NMT2: variants seen among roughly 807,000 people sequenced by gnomAD.
NMT2 encodes glycylpeptide N-tetradecanoyltransferase 2.
A neutral mutation model predicts 65.4 loss-of-function variants in NMT2; 35 were observed. The ratio of observed to expected loss-of-function variants is 0.54; its 90% CI spans 0.41 to 0.71. The LOEUF is 0.71. Ranked by LOEUF, NMT2 falls within the 30% of genes least tolerant of loss-of-function variation. NMT2 has a pLI of 0.00. For synonymous variants in NMT2, 226 were observed against 231.8 expected, an observed-to-expected ratio of 0.98 and a Z score of 0.23; for missense variants, 489 against 611.3, an observed-to-expected ratio of 0.80 and a Z score of 2.11.
chr10:15,113,331 G>A (rs982679912), intron 9 of NMT2, among the ~76,000 whole-genome samples: 5 of 151,832 alleles, frequency 3.3e-5, no homozygotes, highest in African/African-American at 1.2e-4. Flanking sequence ...TTAGCCAGGT[G>A]TGGTGGCGCA....
chr10:15,135,230 A>G (rs753682694), intron 3 of NMT2, 44 bp downstream of exon 3: 12 of 1,584,676 alleles, frequency 7.6e-6, no homozygotes, highest in Middle Eastern at 3.3e-4. Flanking sequence ...TTGTTCATCC[A>G]GCTTTGTTTG....
chr10:15,148,528 T>C (rs1847039169), intron 1 of NMT2, among the ~76,000 whole-genome samples: 1 of 152,012 alleles, frequency 6.6e-6, no homozygotes, highest in African/African-American at 2.4e-5. Context: ...ATAAATAGTA[T>C]TAGAAAAAAT....
At chr10:15,147,434 A>G (rs766244631) in intron 1 of NMT2, among the ~76,000 whole-genome samples, 10 of 152,296 alleles carry the variant, frequency 6.6e-5, no homozygotes, top group Middle Eastern at 6.8e-3. Flanking sequence ...TTAAACTACA[A>G]CGGAACTGAA....
At chr10:15,110,878 C>A (rs1336525761) in intron 10 of NMT2, among the ~76,000 whole-genome samples, 1 of 152,148 alleles carries the variant, frequency 6.6e-6, no homozygotes, top group African/African-American at 2.4e-5. Context: ...GCAACCTCCA[C>A]CTCCCAGATT....
At chr10:15,139,281 TATCTATCTATCTATCC>T (rs991797824) in intron 2 of NMT2, among the ~76,000 whole-genome samples, 9 of 147,046 alleles carry the variant, frequency 6.1e-5, no homozygotes, top group African/African-American at 2.4e-4. Context: ...TCTATCTATC[TATCTATCTATCTATCC>T]ATCCATCCAT....
chr10:15,117,492 G>A (rs1291254022), intron 9 of NMT2, among the ~76,000 whole-genome samples: 1 of 152,136 alleles, frequency 6.6e-6, no homozygotes, highest in Non-Finnish European at 1.5e-5. Flanking sequence ...AACACGACGA[G>A]GATGACAACC....
At chr10:15,150,836 G>A (rs935332717) in intron 1 of NMT2, among the ~76,000 whole-genome samples, 1 of 152,048 alleles carries the variant, frequency 6.6e-6, no homozygotes, top group African/African-American at 2.4e-5. Flanking sequence ...TGAACAATAC[G>A]CCCGGGAATC....
chr10:15,131,253 G>GTCCCGT (rs1846276160), intron 6 of NMT2, among the ~76,000 whole-genome samples: 1 of 151,290 alleles, frequency 6.6e-6, no homozygotes, highest in Admixed American at 6.6e-5. Flanking sequence ...TGGGACTTTG[G>GTCCCGT]TCCATTATAC....
chr10:15,141,047 C>T, intron 2 of NMT2: 7 of 1,548,708 alleles, frequency 4.5e-6, no homozygotes, highest in Non-Finnish European at 6.1e-6. Context: ...GGTAATTAGA[C>T]AGACACCCAG....
intron 7 of NMT2, among the ~76,000 whole-genome samples, chr10:15,128,957 G>A (rs189239545): frequency 1.1e-4 from 16 of 152,208 alleles, no homozygotes; most frequent in African/African-American, 3.4e-4. Context: ...GCAGTAAGCC[G>A]AGATCATGCC....
At chr10:15,124,468 G>C (rs1409580525) in intron 8 of NMT2, among the ~76,000 whole-genome samples, 1 of 152,182 alleles carries the variant, frequency 6.6e-6, no homozygotes, top group Non-Finnish European at 1.5e-5. Context: ...GACTACGGCT[G>C]TTAAATGTCG....
At chr10:15,137,688 T>C (rs550355085) in intron 2 of NMT2, among the ~76,000 whole-genome samples, 5 of 152,350 alleles carry the variant, frequency 3.3e-5, no homozygotes, top group South Asian at 2.1e-4. Context: ...ACAATGACTA[T>C]AATGAATTTG....
intron 8 of NMT2, among the ~76,000 whole-genome samples, chr10:15,127,581 AAT>A (rs1200169104): frequency 0.15 from 14,594 of 96,094 alleles, 1,488 homozygotes; most frequent in Middle Eastern, 0.29. Context: ...TAAATAAATA[AAT>A]AAATAAATAA....
intron 6 of NMT2, among the ~76,000 whole-genome samples, chr10:15,131,382 C>G (rs1201395606): frequency 6.6e-6 from 1 of 151,434 alleles, no homozygotes; most frequent in East Asian, 1.9e-4. Flanking sequence ...ACCTCCTGGC[C>G]TCAAGCAATC....
At chr10:15,144,315 T>C (rs1269927681) in intron 1 of NMT2, among the ~76,000 whole-genome samples, 2 of 152,172 alleles carry the variant, frequency 1.3e-5, no homozygotes, top group Non-Finnish European at 2.9e-5. Flanking sequence ...AGGCAGAGCT[T>C]CCCAGCCCTT....
In NMT2 at chr10:15,119,620, G is replaced by A. The variant is rs189624238; in HGVS notation, c.1000-107C>T. On this transcript the variant is annotated intron_variant, in intron 8 of 11. Coordinates refer to ENST00000378165, the MANE Select transcript of NMT2 (RefSeq NM_004808.3). Reference sequence around the variant, plus strand: ...CAGACCAGCAGAATGAGCAGCACGCGGGAGCTAGTTAGAGCTGCAGAGCCT... The same window carrying A: ...CAGACCAGCAGAATGAGCAGCACGCAGGAGCTAGTTAGAGCTGCAGAGCCT... 3.3e-4 allele frequency: 290 copies of A among 867,652 alleles called. 3 individuals are homozygous for A. The East Asian group carries it at 6.2e-3, about 19-fold the overall frequency. The allele number at this position is 867,652 out of a possible 1,614,324, so 53.7% of individuals were successfully genotyped here. A position where few individuals can be genotyped will look rare whatever the true frequency, so the allele number is the denominator to read the frequency against.
Position 15,164,903 on chromosome 10 carries a change from C to T in NMT2, c.110+3600G>A, listed in dbSNP as rs191668629. Reference sequence around the variant, plus strand: ...AAAATTAGCCAGGTATGGTGGCACACGCCTGTAATCCCAGCACTTTGGGAT... The same window carrying T: ...AAAATTAGCCAGGTATGGTGGCACATGCCTGTAATCCCAGCACTTTGGGAT... On this transcript the variant is annotated intron_variant, in intron 1 of 11. Coordinates refer to ENST00000378165, the MANE Select transcript of NMT2 (RefSeq NM_004808.3). Among the ~76,000 whole-genome samples the T allele has an allele frequency of 1.9e-3, 285 of 152,160 alleles. 1 individual carries two copies. The highest frequency in any genetic ancestry group is 6.5e-3 in the African/African-American group (268 of 41,474).
At chr10:15,118,179 A>G (rs943412866) in intron 9 of NMT2, among the ~76,000 whole-genome samples, 2 of 152,228 alleles carry the variant, frequency 1.3e-5, no homozygotes, top group South Asian at 4.1e-4. Context: ...ATGGAGATCA[A>G]CGAAATAGAA....
chr10:15,106,791 T>C lies in NMT2; in HGVS notation c.*2404A>G. On this transcript the variant is annotated 3_prime_UTR_variant, in exon 12 of 12. Coordinates refer to ENST00000378165, the MANE Select transcript of NMT2 (RefSeq NM_004808.3). ...TCAGCTTTGTAGTGTGAAGCAGCCA[T>C]AGGCAATATGTAAATGAAAGTGGCT... is the stretch of plus-strand genomic sequence containing the variant. 2 of 303,740 alleles carry C rather than the reference T, an allele frequency of 6.6e-6. No individual in the cohort carries two copies. The highest frequency in any genetic ancestry group is 2.6e-4 in the South Asian group (2 of 7,722). The allele number at this position is 303,740 out of a possible 1,614,324, so 18.8% of individuals were successfully genotyped here.
Sources: allele counts gnomAD v4.1 joint callset (sites outside exome capture counted in the v4.1 genomes callset), GRCh38; gene constraint gnomAD v4.1.1; transcripts MANE v1.5; gene names NCBI Gene and HGNC (gene_info 2026-07-23, HGNC 2026-07-21).